Variants in CNIH3 observed in about 807,000 individuals in gnomAD.
CNIH3 encodes the protein cornichon family AMPA receptor auxiliary protein 3, also known as protein cornichon homolog 3.
In CNIH3, 14 loss-of-function variants were observed where a neutral mutation model predicts 24.1. The observed-to-expected ratio is 0.58, with a 90% CI of 0.38 to 0.91. CNIH3 has a LOEUF of 0.91. Ranked by LOEUF, CNIH3 falls within the 40% of genes least tolerant of loss-of-function variation. The pLI is 0.00. For synonymous variants in CNIH3, 68 were observed against 73.8 expected (o/e 0.92, Z 0.40); for missense variants, 178 against 196.8 (o/e 0.90, Z 0.57).
intron 1 of CNIH3, among the ~76,000 whole-genome samples, chr1:224,495,766 C>T (rs776589867): frequency 9.9e-5 from 15 of 152,068 alleles, no homozygotes; most frequent in Admixed American, 6.6e-5. Context: ...CGGGGAGCAG[C>T]AGTCCATGTG....
chr1:224,454,385 T>A, intron 1 of CNIH3: 1 of 885,370 alleles, frequency 1.1e-6, no homozygotes, highest in Non-Finnish European at 1.4e-6. Flanking sequence ...TTGAACATAA[T>A]TGAAATGTCA....
chr1:224,726,004 TAC>T (rs1384604862), intron 3 of CNIH3, among the ~76,000 whole-genome samples: 1 of 152,212 alleles, frequency 6.6e-6, no homozygotes, highest in East Asian at 1.9e-4. Context: ...AACAAATGGA[TAC>T]ATGAATGAAT....
intron 3 of CNIH3, among the ~76,000 whole-genome samples, chr1:224,689,445 C>T (rs1398621054): frequency 6.6e-6 from 1 of 152,208 alleles, no homozygotes; most frequent in Non-Finnish European, 1.5e-5. Context: ...GCATCCCCTC[C>T]CATTTTCTTA....
At chr1:224,613,884 G>T (rs956836436), upstream of CNIH3, among the ~76,000 whole-genome samples, 33 of 143,936 alleles carry the variant, frequency 2.3e-4, no homozygotes, top group South Asian at 8.9e-4. Flanking sequence ...TCAGGTTTTT[G>T]TTTTTTTTTT....
In CNIH3 at chr1:224,549,021, C is replaced by G. The variant is rs186679422; in HGVS notation, n.450+2082C>G. ...TGTGTGTACACCCTGGGACATTATT[C>G]ATAGTATCCCATGGTGATACTACTC... On this transcript the variant is annotated intron_variant and non_coding_transcript_variant, in intron 3 of 5. Coordinates refer to the CNIH3 transcript ENST00000471578. 2.0e-5 allele frequency among the ~76,000 whole-genome samples: 3 copies of G among 152,150 alleles called. No individual in the cohort carries two copies. In the East Asian group the frequency reaches 5.8e-4, roughly 29 times the overall value.
In CNIH3 at chr1:224,685,987, C is replaced by T. The variant is rs150144512; in HGVS notation, c.198+1144C>T. Among the ~76,000 whole-genome samples, 876 of 151,964 alleles carry T rather than the reference C, an allele frequency of 5.8e-3. 9 individuals are homozygous for T. Among genetic ancestry groups the T allele is most frequent in the African/African-American group, 0.02 (810 of 41,434 alleles). On this transcript the variant is annotated intron_variant, in intron 3 of 5. Transcript: ENST00000272133. ...TTTTCCAGATAATGTCTTGGAGACCCATAACCTGCTCCAGCCAGTACTACT... is the reference window on the plus strand; with the variant it reads ...TTTTCCAGATAATGTCTTGGAGACCTATAACCTGCTCCAGCCAGTACTACT...
At chr1:224,518,676 C>G (rs1558125008) in intron 1 of CNIH3, among the ~76,000 whole-genome samples, 1 of 152,194 alleles carries the variant, frequency 6.6e-6, no homozygotes, top group Non-Finnish European at 1.5e-5. Context: ...TAGACCCCCT[C>G]TTACTCATTC....
chr1:224,504,574 C>T (rs987539046), intron 1 of CNIH3, among the ~76,000 whole-genome samples: 2 of 151,556 alleles, frequency 1.3e-5, no homozygotes, highest in African/African-American at 4.8e-5. Context: ...CACCTGCCTT[C>T]CATGTTTCCT....
intron 1 of CNIH3, among the ~76,000 whole-genome samples, chr1:224,504,121 T>C (rs1280729464): frequency 1.3e-5 from 2 of 152,254 alleles, no homozygotes; most frequent in African/African-American, 4.8e-5. Context: ...ACTGTATGGA[T>C]GATGCCTTCC....
At chr1:224,576,462 A>G (rs906866966) in intron 4 of CNIH3, among the ~76,000 whole-genome samples, 1 of 152,180 alleles carries the variant, frequency 6.6e-6, no homozygotes, top group Non-Finnish European at 1.5e-5. Context: ...CATATCTCTA[A>G]ATAACATGCT....
intron 4 of CNIH3, among the ~76,000 whole-genome samples, chr1:224,573,365 T>A (rs950017883): frequency 6.6e-6 from 1 of 152,104 alleles, no homozygotes; most frequent in Non-Finnish European, 1.5e-5. Flanking sequence ...AGGTACAGCC[T>A]TTTTTTGGAG....
intron 1 of CNIH3, among the ~76,000 whole-genome samples, chr1:224,440,806 A>T (rs4653587): frequency 0.69 from 104,397 of 151,630 alleles, 38,356 homozygotes; most frequent in East Asian, 0.99. Context: ...TTACAGCTGT[A>T]TACAGTATTA....
intron 3 of CNIH3, among the ~76,000 whole-genome samples, chr1:224,594,219 G>A (rs1681881455): frequency 1.3e-5 from 2 of 152,334 alleles, no homozygotes; most frequent in South Asian, 4.1e-4. Flanking sequence ...GACCCCTAGA[G>A]CCCAAGCCTG....
chr1:224,700,405 A>G (rs1254744350), intron 3 of CNIH3, among the ~76,000 whole-genome samples: 5 of 152,240 alleles, frequency 3.3e-5, no homozygotes, highest in Non-Finnish European at 5.9e-5. Context: ...AGTCTGCAAC[A>G]GGATCTCTGC....
chr1:224,671,497 G>A (rs1177023579), intron 1 of CNIH3, among the ~76,000 whole-genome samples: 3 of 152,224 alleles, frequency 2.0e-5, no homozygotes, highest in Admixed American at 1.3e-4. Flanking sequence ...AGACTGCATG[G>A]CCCAATGGAG....
chr1:224,491,001 A>C (rs1480170309), intron 1 of CNIH3, among the ~76,000 whole-genome samples: 3 of 152,242 alleles, frequency 2.0e-5, no homozygotes, highest in Non-Finnish European at 4.4e-5. Context: ...TGGTTGAAGT[A>C]TGGCCACTGG....
chr1:224,574,233 T>TGGG (rs1366461469), intron 4 of CNIH3, among the ~76,000 whole-genome samples: 4 of 152,184 alleles, frequency 2.6e-5, no homozygotes, highest in African/African-American at 9.7e-5. Context: ...TCACGTCAGG[T>TGGG]ACCTACTAGA....
intron 1 of CNIH3, among the ~76,000 whole-genome samples, chr1:224,444,789 C>T (rs996811514): frequency 1.3e-5 from 2 of 152,004 alleles, no homozygotes; most frequent in African/African-American, 4.8e-5. Flanking sequence ...GGATTACAGG[C>T]GTGCGCCACC....
chr1:224,629,821 C>T (rs115320454), intron 1 of CNIH3, among the ~76,000 whole-genome samples: 1,553 of 152,238 alleles, frequency 0.01, 31 homozygotes, highest in African/African-American at 0.034. Context: ...TGTCCTCTCT[C>T]GGCTGGAGCA....
Sources: allele counts gnomAD v4.1 joint callset (sites outside exome capture counted in the v4.1 genomes callset), GRCh38; gene constraint gnomAD v4.1.1; transcripts MANE v1.5; gene names NCBI Gene and HGNC (gene_info 2026-07-23, HGNC 2026-07-21).